SPEN: variants seen among roughly 807,000 people sequenced by gnomAD.
SPEN encodes spen family transcriptional repressor.
Under a neutral mutation model 269.9 loss-of-function variants are expected in SPEN, and 18 were observed. The ratio of observed to expected loss-of-function variants is 0.07; its 90% CI spans 0.05 to 0.10. The LOEUF (loss-of-function observed/expected upper bound fraction) is 0.10. Ranked by LOEUF, SPEN falls within the 10% of genes least tolerant of loss-of-function variation. The probability of loss-of-function intolerance (pLI) is 1.00; values close to 1 mark genes in which losing one functional copy is unlikely to be tolerated. For missense variants in SPEN, 3,822 were observed against 4,631.2 expected, an observed-to-expected ratio of 0.83 and a Z score of 5.07; for synonymous variants, 1,726 against 1,765.7, an observed-to-expected ratio of 0.98 and a Z score of 0.56.
chr1:15,924,471 G>GT (rs1363966013), intron 10 of SPEN, among the ~76,000 whole-genome samples: 2 of 149,652 alleles, frequency 1.3e-5, no homozygotes, highest in Non-Finnish European at 1.5e-5. Flanking sequence ...TTTTTTTTTT[G>GT]TTTTTTGAGA....
Position 15,934,271 on chromosome 1 carries a change from C to G in SPEN, c.8031C>G (p.Thr2677=). ...AAGGCCCCGTGAAGGGCTCAGTGAC[C>G]ACACTGAAAAGTTTGGTGAGCACCC... The part of the protein sequence containing the change: ...ALKGPVKGSV[T]TLKSLVSTPA... Residue 2677 remains threonine, a synonymous_variant, in exon 11 of 15, where the codon ACC becomes ACG. Transcript: ENST00000375759. This position sits in a 1 kb window ranked among gnomAD's most constrained non-coding sequence, Gnocchi z 9.2. 1.9e-6 allele frequency: 3 copies of G among 1,614,224 alleles called. No individual in the cohort carries two copies. The South Asian group carries it at 3.3e-5, about 18-fold the overall frequency.
At position 15,866,848 on chromosome 1, in the gene SPEN, A is replaced by G. The variant is rs1419594136; in HGVS notation, c.84-5968A>G. Reference sequence around the variant, plus strand: ...AGAAAAATGCCTTCCATGGTTGCCTATTTATAGTAGGATGTGGCATACAGT... The same window carrying G: ...AGAAAAATGCCTTCCATGGTTGCCTGTTTATAGTAGGATGTGGCATACAGT... On this transcript the variant is annotated intron_variant, in intron 1 of 14. Coordinates refer to ENST00000375759, the MANE Select transcript of SPEN (RefSeq NM_015001.3). Among the ~76,000 whole-genome samples the G allele has an allele frequency of 5.3e-5, 8 of 152,184 alleles. No homozygotes were observed. The South Asian group carries it at 8.3e-4, about 16-fold the overall frequency.
intron 1 of SPEN, among the ~76,000 whole-genome samples, chr1:15,872,168 T>C (rs12751117): frequency 1.4e-5 from 2 of 145,638 alleles, no homozygotes; most frequent in South Asian, 4.3e-4. Context: ...AACCTGGGAG[T>C]TGGAGGTTAC....
At chr1:15,859,250 G>A (rs1221043798) in intron 1 of SPEN, among the ~76,000 whole-genome samples, 1 of 149,408 alleles carries the variant, frequency 6.7e-6, no homozygotes, top group African/African-American at 2.5e-5. Flanking sequence ...CCAACTTTTG[G>A]CTTCAAGCAA....
In SPEN at chr1:15,939,973, C is replaced by T. The variant is rs964560201; in HGVS notation, c.*546C>T. The T allele has an allele frequency of 2.2e-5, 5 of 231,942 alleles. No individual in the cohort carries two copies. The highest frequency in any genetic ancestry group is 3.4e-5 in the Non-Finnish European group (4 of 117,272). 14.4% of individuals were successfully genotyped at this position (231,942 alleles called of 1,614,324 possible). A position where few individuals can be genotyped will look rare whatever the true frequency, so the allele number is the denominator to read the frequency against. The stretch of plus-strand genomic sequence containing the variant: ...CCCATCTCCCTTGCTCATTTGGATG[C>T]GTCACCTTAATTCTCCTGCTGCCAC... On this transcript the variant is annotated 3_prime_UTR_variant, in exon 15 of 15. Transcript: ENST00000375759. This position sits in a 1 kb window ranked among gnomAD's most constrained non-coding sequence, Gnocchi z 4.1.
At chr1:15,897,865 G>T (rs1429708570) in intron 3 of SPEN, among the ~76,000 whole-genome samples, 2 of 152,178 alleles carry the variant, frequency 1.3e-5, no homozygotes, top group African/African-American at 2.4e-5. Flanking sequence ...AAAGAGTTTA[G>T]ATCGCTTTTC....
In SPEN at chr1:15,873,128, A is replaced by G; in HGVS notation, c.396A>G (p.Arg132=). The G allele has an allele frequency of 6.2e-7, 1 of 1,607,694 alleles. No homozygotes were observed. Among genetic ancestry groups the G allele is most frequent in the Non-Finnish European group, 8.5e-7 (1 of 1,175,216 alleles). ...LHAREGRYER[R]LDGASDNRER... ...CACGAGAAGGACGTTATGAGCGGAG[A>G]CTTGATGGGTAAGTTCCAAGGTTTC... The change falls in exon 2 of 15, where the codon AGA becomes AGG. Residue 132 remains arginine (R), a synonymous_variant. Transcript: ENST00000375759.
chr1:15,922,221 C>T (rs758940763), intron 9 of SPEN, 28 bp from the exon 10 acceptor site: 3 of 1,500,736 alleles, frequency 2.0e-6, no homozygotes, highest in Non-Finnish European at 2.7e-6. Flanking sequence ...TTGAAACTTG[C>T]ATCAAACACC....
intron 10 of SPEN, among the ~76,000 whole-genome samples, chr1:15,924,464 TTTTTTTG>T (rs1159409075): frequency 2.0e-5 from 3 of 152,194 alleles, no homozygotes; most frequent in African/African-American, 7.2e-5. Context: ...AAATCTATTT[TTTTTTTG>T]TTTTTTGAGA....
chr1:15,876,546 C>G lies in SPEN; in HGVS notation c.749C>G (p.Ser250Cys), dbSNP rs759706624. The G allele has an allele frequency of 1.2e-6, 2 of 1,614,094 alleles. No homozygotes were observed. The highest frequency in any genetic ancestry group is 1.3e-5 in the African/African-American group (1 of 75,020). ...AGTCGGTCACCACATTCATCCCAGT[C>G]TAGAAATCAGTCTCCTCAGAGACTG... is the stretch of plus-strand genomic sequence containing the variant. ...SRSRSPHSSQ[S>C]RNQSPQRLAS... is the part of the protein sequence containing the mutation. Residue 250 changes from serine to cysteine, a missense_variant, in exon 3 of 15, where the codon TCT (serine) becomes TGT (cysteine). By Grantham distance (112) the Ser-to-Cys change is moderately radical (BLOSUM62 -1). This residue lies in a region of SPEN where 327 missense variants were observed against 350.8 expected (regional missense o/e 0.93). Coordinates refer to ENST00000375759, the MANE Select transcript of SPEN (RefSeq NM_015001.3).
At position 15,932,112 on chromosome 1, in the gene SPEN, C is replaced by T. The variant is rs753287056; in HGVS notation, c.5872C>T (p.Arg1958Trp). The change falls in exon 11 of 15, where the codon CGG becomes TGG. Residue 1958 changes from arginine (R) to tryptophan (W), a missense_variant. This residue lies in a region of SPEN where 533 missense variants were observed against 618.8 expected (regional missense o/e 0.86). Transcript: ENST00000375759. The surrounding 1 kb of genome is among the most constrained non-coding windows in gnomAD (Gnocchi z 4.2). ...GAGGGGAAGGCCTCCAAAGACACGCCGGCGAGCCGATGAAGAGGAGGAGAA... is the reference window on the plus strand; with the variant it reads ...GAGGGGAAGGCCTCCAAAGACACGCTGGCGAGCCGATGAAGAGGAGGAGAA... The part of the protein sequence containing the change: ...PRRGRPPKTR[R>W]RADEEEENEA... The T allele has an allele frequency of 1.2e-5, 19 of 1,613,402 alleles. No homozygotes were observed. The highest frequency in any genetic ancestry group is 1.6e-4 in the Middle Eastern group (1 of 6,080).
At chr1:15,901,998 G>A (rs1182256938) in intron 3 of SPEN, among the ~76,000 whole-genome samples, 1 of 143,358 alleles carries the variant, frequency 7.0e-6, no homozygotes, top group Non-Finnish European at 1.5e-5. Flanking sequence ...GCATGATTTC[G>A]GCTCGCTGCA....
intron 5 of SPEN, among the ~76,000 whole-genome samples, chr1:15,915,021 A>C (rs1366474972): frequency 6.6e-6 from 1 of 152,192 alleles, no homozygotes; most frequent in East Asian, 1.9e-4. Flanking sequence ...TATCTTATAA[A>C]ATGTTGAAAA....
intron 2 of SPEN, among the ~76,000 whole-genome samples, chr1:15,875,289 A>G (rs2070619918): frequency 6.6e-6 from 1 of 152,206 alleles, no homozygotes. Context: ...GTTTAAGTTA[A>G]GCTATTTTGC....
Position 15,872,917 on chromosome 1 carries a change from C to G in SPEN, c.185C>G (p.Ala62Gly). Residue 62 changes from alanine to glycine, a missense_variant, in exon 2 of 15, where the codon GCT becomes GGT. Ala to Gly is a moderately conservative substitution (Grantham distance 60). This residue lies in a region of SPEN where 327 missense variants were observed against 350.8 expected (regional missense o/e 0.93). Transcript: ENST00000375759. ...DFVDIKSAQK[A>G]HNSVNKMGDR... ...GTGGACATCAAAAGTGCACAGAAAGCTCACAACTCGGTCAACAAAATGGGT... is the reference window on the plus strand; with the variant it reads ...GTGGACATCAAAAGTGCACAGAAAGGTCACAACTCGGTCAACAAAATGGGT... 6.2e-7 allele frequency: 1 copy of G among 1,603,492 alleles called. No homozygotes were observed.
At position 15,932,931 on chromosome 1, in the gene SPEN, G is replaced by A; in HGVS notation, c.6691G>A (p.Glu2231Lys). The A allele has an allele frequency of 6.2e-7, 1 of 1,614,238 alleles. No individual in the cohort carries two copies. The highest frequency in any genetic ancestry group is 8.5e-7 in the Non-Finnish European group (1 of 1,180,038). Residue 2231 changes from glutamate to lysine, a missense_variant, in exon 11 of 15, where the codon GAA becomes AAA. By Grantham distance (56) the Glu-to-Lys change is moderately conservative. Transcript: ENST00000375759. The surrounding 1 kb of genome is among the most constrained non-coding windows in gnomAD (Gnocchi z 4.2). ...SIINDISGEP[E>K]NFPAPPPYPG... Reference sequence around the variant, plus strand: ...CATCAATGACATTTCTGGGGAGCCAGAAAACTTCCCAGCACCTCCACCTTA... The same window carrying A: ...CATCAATGACATTTCTGGGGAGCCAAAAAACTTCCCAGCACCTCCACCTTA...
intron 3 of SPEN, among the ~76,000 whole-genome samples, chr1:15,902,612 T>A (rs2070913448): frequency 6.6e-6 from 1 of 152,036 alleles, no homozygotes; most frequent in Non-Finnish European, 1.5e-5. Context: ...GAATTGGAGA[T>A]CAGCCTGGGC....
chr1:15,873,554 A>G, intron 2 of SPEN: 7 of 995,212 alleles, frequency 7.0e-6, no homozygotes, highest in Non-Finnish European at 8.4e-6. Context: ...TTAGAAGTTG[A>G]TATCTGCCTC....
intron 5 of SPEN, among the ~76,000 whole-genome samples, chr1:15,911,687 G>A (rs530260005): frequency 6.6e-6 from 1 of 152,184 alleles, no homozygotes; most frequent in Non-Finnish European, 1.5e-5. Flanking sequence ...CTGGTTGGGC[G>A]CAGTGGCTCA....
Sources: gnomAD v4.1 joint callset for allele counts (sites outside exome capture counted in the v4.1 genomes callset) on GRCh38, gnomAD v4.1.1 for gene constraint, gnomAD v4.1.1 regional missense constraint, Gnocchi (gnomAD v3.1) non-coding constraint, MANE v1.5 for transcripts, NCBI Gene and HGNC (gene_info 2026-07-23, HGNC 2026-07-21) for gene names.